The following RGPD3 variants were observed in gnomAD, a reference collection of about 807,000 sequenced individuals.
The protein encoded by RGPD3 is RANBP2 like and GRIP domain containing 3, also known as ranBP2-like and GRIP domain-containing protein 3.
A neutral mutation model predicts 154.5 loss-of-function variants in RGPD3; 62 were observed. The observed-to-expected ratio is 0.40, with a 90% confidence interval of 0.33 to 0.50. The LOEUF (loss-of-function observed/expected upper bound fraction) is 0.50, where lower values mean the gene tolerates loss of function less well. Ranked by LOEUF, RGPD3 falls within the 20% of genes least tolerant of loss-of-function variation. The probability of loss-of-function intolerance (pLI) is 0.59; values close to 1 mark genes in which losing one functional copy is unlikely to be tolerated. For synonymous variants in RGPD3, 308 were observed against 607.0 expected (o/e 0.51, Z 7.24); for missense variants, 919 against 1,716.8 (o/e 0.54, Z 8.21).
intron 21 of RGPD3, among the ~76,000 whole-genome samples, 153 bp downstream of exon 21, chr2:106,415,697 A>AAAAAAAAAAAAAAAAAAT (rs1491421236): frequency 7.4e-6 from 1 of 134,574 alleles, no homozygotes; most frequent in African/African-American, 3.1e-5. Flanking sequence ...AAAAAAAAAA[A>AAAAAAAAAAAAAAAAAAT]GGCAATATTT....
intron 15 of RGPD3, among the ~76,000 whole-genome samples, 163 bp downstream of exon 15, chr2:106,434,065 C>A (rs1365036306): frequency 6.7e-6 from 1 of 148,178 alleles, no homozygotes. Context: ...AAACCTAAGA[C>A]AAAGCAAGCA....
chr2:106,422,798 T>A lies in RGPD3; in HGVS notation c.4924+245A>T, dbSNP rs377521027. Among the ~76,000 whole-genome samples, 84 of 151,436 alleles carry A rather than the reference T, an allele frequency of 5.5e-4. 2 individuals carry two copies. In the East Asian group the frequency reaches 0.014, roughly 24 times the overall value. On this transcript the variant is annotated intron_variant, in intron 20 of 22. Transcript: ENST00000409886. ...CATGAGTCCGTACACTGTACCAAGT[T>A]CTTTTGCTCTGCCCTAGCATGATAG...
In RGPD3 at chr2:106,424,319, G is replaced by T. The variant is rs764486101; in HGVS notation, c.3648C>A (p.Val1216=). 5 of 1,611,892 alleles carry T rather than the reference G, an allele frequency of 3.1e-6. No individual in the cohort carries two copies. The highest frequency in any genetic ancestry group is 1.7e-5 in the Admixed American group (1 of 60,000). ...CTGAACCCTTATTTTCTTCCTCAGC[G>T]ACTTTTGTTTGATCATTTGTCAAAA... ...KTFLTNDQTK[V]AEEENKGSGT... is the part of the protein sequence containing the mutation. The change falls in exon 20 of 23, where the codon GTC becomes GTA. Residue 1216 remains valine, a synonymous_variant. Coordinates refer to ENST00000409886, the MANE Select transcript of RGPD3 (RefSeq NM_001144013.2).
In RGPD3 at chr2:106,434,352, T is replaced by A. The variant is rs202045952; in HGVS notation, c.2081A>T (p.Asp694Val). 8.4e-4 allele frequency: 1,355 copies of A among 1,611,398 alleles called. 4 individuals are homozygous for A. Among genetic ancestry groups the A allele is most frequent in the Middle Eastern group, 5.0e-3 (22 of 4,426 alleles). The change falls in exon 15 of 23, where the codon GAC becomes GTC. Residue 694 changes from aspartate (D) to valine (V), a missense_variant. Coordinates refer to ENST00000409886, the MANE Select transcript of RGPD3 (RefSeq NM_001144013.2). ...AGGAGAAAGGGCATCATTTGCAATGTCTTCTGCCTTCCTGTGAAAAATCTA... is the reference window on the plus strand; with the variant it reads ...AGGAGAAAGGGCATCATTTGCAATGACTTCTGCCTTCCTGTGAAAAATCTA... ...LALIFHRKAE[D>V]IANDALSPEE...
Position 106,413,140 on chromosome 2 carries a change from T to G in RGPD3, c.5210A>C (p.Asn1737Thr), listed in dbSNP as rs1435485473. 6.2e-7 allele frequency: 1 copy of G among 1,611,436 alleles called. No individual in the cohort carries two copies. Among genetic ancestry groups the G allele is most frequent in the Non-Finnish European group, 8.5e-7 (1 of 1,179,742 alleles). The change falls in exon 22 of 23, where the codon AAT becomes ACT. Residue 1737 changes from asparagine to threonine, a missense_variant. By Grantham distance (65) the Asn-to-Thr change is moderately conservative. Coordinates refer to ENST00000409886, the MANE Select transcript of RGPD3 (RefSeq NM_001144013.2). ...SERERLLPVI[N>T]TMLQLSLEEK... The stretch of plus-strand genomic sequence containing the variant: ...TTCAAGGCTGAGCTGCAACATCGTA[T>G]TTATAACAGGAAGAAGTCTCTCTCT...
At chr2:106,462,133 C>T (rs947801381) in intron 1 of RGPD3, among the ~76,000 whole-genome samples, 10 of 152,258 alleles carry the variant, frequency 6.6e-5, no homozygotes, top group Non-Finnish European at 1.2e-4. Context: ...TGACTTCCTC[C>T]GCCTCCCAAG....
rs1677545082 is a variant in RGPD3, at chr2:106,436,184, T to A, written c.1697A>T (p.Gln566Leu). 1 of 1,611,792 alleles carries A rather than the reference T, an allele frequency of 6.2e-7. No homozygotes were observed. Among genetic ancestry groups the A allele is most frequent in the Non-Finnish European group, 8.5e-7 (1 of 1,179,866 alleles). The change falls in exon 12 of 23, where the codon CAG (glutamine) becomes CTG (leucine). Residue 566 changes from glutamine to leucine, a missense_variant. By Grantham distance (113) the Gln-to-Leu change is moderately radical (BLOSUM62 -2). Transcript: ENST00000409886. ...VQHEINTLRA[Q>L]EKHGLQPALL... ...AGCAGGTTGAAGGCCATGTTTTTCC[T>A]GGGCTCTTAGAGTGTTTATTTCATG...
upstream of RGPD3, among the ~76,000 whole-genome samples, chr2:106,469,632 C>T (rs570043801): frequency 2.9e-3 from 436 of 152,320 alleles, 3 homozygotes; most frequent in African/African-American, 0.01. Flanking sequence ...ATCCAGGTAC[C>T]TTCCCAGGTC....
chr2:106,458,295 TA>T, intron 2 of RGPD3, among the ~76,000 whole-genome samples: 1 of 151,556 alleles, frequency 6.6e-6, no homozygotes, highest in East Asian at 2.0e-4. Flanking sequence ...AGGCCAGACC[TA>T]AACTAAGGGA....
At chr2:106,451,087 C>CAAAAAAA (rs10690405) in intron 6 of RGPD3, among the ~76,000 whole-genome samples, 1 of 108,718 alleles carries the variant, frequency 9.2e-6, no homozygotes, top group Non-Finnish European at 1.8e-5. Flanking sequence ...GACTCCCTCT[C>CAAAAAAA]AAAAAAAAAA....
intron 1 of RGPD3, among the ~76,000 whole-genome samples, chr2:106,466,295 C>T (rs1463031976): frequency 6.6e-6 from 1 of 151,744 alleles, no homozygotes; most frequent in African/African-American, 2.4e-5. Context: ...AGCCGGCGGG[C>T]GCCGCAACAG....
At position 106,424,541 on chromosome 2, in the gene RGPD3, G is replaced by T. The variant is rs773618367; in HGVS notation, c.3426C>A (p.Ala1142=). The T allele has an allele frequency of 7.5e-6, 12 of 1,608,652 alleles. No individual in the cohort carries two copies. In the African/African-American group the frequency reaches 1.3e-4, roughly 18 times the overall value. Residue 1142 remains alanine (A), a synonymous_variant, in exon 20 of 23, where the codon GCC becomes GCA. Transcript: ENST00000409886. ...ATTTTGCTGCCAATCGCTCTAGTTT[G>T]GCATCACCATCAGAGAAATCACTGG... The part of the protein sequence containing the change: ...WSASDFSDGD[A]KLERLAAKFK...
In RGPD3 at chr2:106,423,820, T is replaced by G. The variant is rs747630836; in HGVS notation, c.4147A>C (p.Lys1383Gln). 4 of 1,611,886 alleles carry G rather than the reference T, an allele frequency of 2.5e-6. No individual in the cohort carries two copies. The African/African-American group carries it at 5.3e-5, about 22-fold the overall frequency. Residue 1383 changes from lysine (K) to glutamine (Q), a missense_variant, in exon 20 of 23, where the codon AAG (lysine) becomes CAG (glutamine). Physicochemically the swap from Lys to Gln is moderately conservative, Grantham distance 53 (BLOSUM62 1). Transcript: ENST00000409886. ...QWKERGIGDI[K>Q]ILQNYDNKHV... The stretch of plus-strand genomic sequence containing the variant: ...TTATTATCATAATTCTGTAAAATCT[T>G]TATATCACCAATGCCCCTTTCTTTC...
intron 2 of RGPD3, among the ~76,000 whole-genome samples, chr2:106,459,054 T>C (rs1378112663): frequency 6.8e-6 from 1 of 147,150 alleles, no homozygotes; most frequent in Non-Finnish European, 1.5e-5. Context: ...TTGCCCTTGG[T>C]ATAAAGCAGC....
chr2:106,415,850 C>T lies in RGPD3; in HGVS notation c.5064G>A (p.Lys1688=). The part of the protein sequence containing the change: ...ATNAVLMEQI[K]LLKSEIRRLE... Reference sequence around the variant, plus strand: ...TGGTGGCCAGGTTTTCTGATCTCACCTTAATTTGCTCCATAAGGACTGCAT... The same window carrying T: ...TGGTGGCCAGGTTTTCTGATCTCACTTTAATTTGCTCCATAAGGACTGCAT... Residue 1688 remains lysine, a splice_region_variant and synonymous_variant, in exon 21 of 23, where the codon AAG becomes AAA. Transcript: ENST00000409886. 6.2e-7 allele frequency: 1 copy of T among 1,611,784 alleles called. No homozygotes were observed. The highest frequency in any genetic ancestry group is 8.5e-7 in the Non-Finnish European group (1 of 1,179,834).
At chr2:106,446,332 C>T (rs1315199328) in intron 7 of RGPD3, among the ~76,000 whole-genome samples, 1 of 150,886 alleles carries the variant, frequency 6.6e-6, no homozygotes, top group African/African-American at 2.4e-5. Context: ...CTCTGGGAGG[C>T]CGAGGCAGGT....
chr2:106,460,405 A>G (rs1678373450), intron 1 of RGPD3, among the ~76,000 whole-genome samples: 1 of 151,038 alleles, frequency 6.6e-6, no homozygotes, highest in African/African-American at 2.4e-5. Flanking sequence ...CTGTGCCTCA[A>G]TAGTACATGT....
In RGPD3 at chr2:106,466,350, C is replaced by T. The variant is rs1383765019; in HGVS notation, c.72+1867G>A. 3.3e-5 allele frequency among the ~76,000 whole-genome samples: 5 copies of T among 150,300 alleles called. No individual in the cohort carries two copies. The South Asian group carries it at 8.4e-4, about 25-fold the overall frequency. ...CCCGTCAGGAGCCATGACGCCTGAG[C>T]CATCGAGGCCGCCGCCGGGCCGGGT... On this transcript the variant is annotated intron_variant, in intron 1 of 22. Transcript: ENST00000409886.
chr2:106,411,097 G>C (rs1479371204), intron 22 of RGPD3, among the ~76,000 whole-genome samples: 1 of 150,358 alleles, frequency 6.7e-6, no homozygotes, highest in African/African-American at 2.4e-5. Flanking sequence ...GCAACAAAAT[G>C]CTAAAACTGC....
Sources: gnomAD v4.1 joint callset for allele counts (sites outside exome capture counted in the v4.1 genomes callset) on GRCh38, gnomAD v4.1.1 for gene constraint, MANE v1.5 for transcripts, NCBI Gene and HGNC (gene_info 2026-07-23, HGNC 2026-07-21) for gene names.